The following RUNDC3B variants were observed in gnomAD, a reference collection of about 807,000 sequenced individuals.
RUNDC3B encodes the protein RUN domain-containing protein 3B.
RUNDC3B carries 33 observed loss-of-function variants against 58.4 expected under a neutral mutation model. The ratio of observed to expected loss-of-function variants is 0.56; its 90% confidence interval spans 0.43 to 0.75. RUNDC3B has a LOEUF of 0.75. Ranked by LOEUF, RUNDC3B falls within the 30% of genes least tolerant of loss-of-function variation. RUNDC3B has a pLI of 0.00. For synonymous variants in RUNDC3B, 193 were observed against 195.2 expected (o/e 0.99, Z 0.10); for missense variants, 501 against 535.7 (o/e 0.94, Z 0.64).
chr7:87,813,062 G>A (rs114795398), intron 9 of RUNDC3B, among the ~76,000 whole-genome samples: 1,749 of 152,302 alleles, frequency 0.011, 41 homozygotes, highest in African/African-American at 0.04. Context: ...AGAAGATATT[G>A]TAAGGTACAG....
chr7:87,720,992 CAATTAAATGTAT>C (rs1364312231), intron 4 of RUNDC3B, among the ~76,000 whole-genome samples: 1 of 143,690 alleles, frequency 7.0e-6, no homozygotes, highest in Non-Finnish European at 1.5e-5. Flanking sequence ...GCTAAATGTC[CAATTAAATGTAT>C]AATTTAAAAT....
At chr7:87,738,448 C>T (rs1262575638) in intron 4 of RUNDC3B, among the ~76,000 whole-genome samples, 2 of 151,924 alleles carry the variant, frequency 1.3e-5, no homozygotes, top group African/African-American at 4.8e-5. Context: ...AAATAAAAAA[C>T]ATTTATTCCA....
At chr7:87,687,759 T>G (rs1163977849) in intron 2 of RUNDC3B, among the ~76,000 whole-genome samples, 1 of 152,204 alleles carries the variant, frequency 6.6e-6, no homozygotes, top group East Asian at 1.9e-4. Flanking sequence ...AATTGAACTG[T>G]TATGATACCT....
intron 1 of RUNDC3B, among the ~76,000 whole-genome samples, chr7:87,637,557 C>G (rs1488693515): frequency 6.6e-6 from 1 of 152,144 alleles, no homozygotes; most frequent in Non-Finnish European, 1.5e-5. Flanking sequence ...TGAACATAAC[C>G]TATTTCTTTA....
chr7:87,640,131 C>T (rs1015694458), intron 1 of RUNDC3B, among the ~76,000 whole-genome samples: 2 of 149,796 alleles, frequency 1.3e-5, no homozygotes, highest in Non-Finnish European at 3.0e-5. Context: ...TTTACTACTT[C>T]TCCAATAGTG....
At chr7:87,822,993 C>A (rs1031922929) in intron 10 of RUNDC3B, among the ~76,000 whole-genome samples, 7 of 151,842 alleles carry the variant, frequency 4.6e-5, no homozygotes, top group Non-Finnish European at 8.8e-5. Flanking sequence ...ACATATGTAA[C>A]AAACCTGCAC....
chr7:87,735,700 C>T (rs1431454884), intron 4 of RUNDC3B, among the ~76,000 whole-genome samples: 1 of 152,194 alleles, frequency 6.6e-6, no homozygotes, highest in Non-Finnish European at 1.5e-5. Context: ...GATCAGACAT[C>T]TGTGGGCTAA....
chr7:87,807,577 G>A, intron 9 of RUNDC3B, 58 bp downstream of exon 9: 1 of 1,254,314 alleles, frequency 8.0e-7, no homozygotes, highest in Non-Finnish European at 1.2e-6. Context: ...AAAACATATG[G>A]CTATCTACTT....
intron 2 of RUNDC3B, among the ~76,000 whole-genome samples, chr7:87,678,641 A>C (rs1037075883): frequency 6.6e-6 from 1 of 152,202 alleles, no homozygotes; most frequent in African/African-American, 2.4e-5. Flanking sequence ...CACTCCAATT[A>C]AAAGAGATTT....
intron 9 of RUNDC3B, among the ~76,000 whole-genome samples, chr7:87,812,711 G>C (rs1836793673): frequency 6.6e-6 from 1 of 152,020 alleles, no homozygotes; most frequent in Non-Finnish European, 1.5e-5. Context: ...TACTGTCTTG[G>C]GTTCTTATTT....
At chr7:87,811,731 G>T (rs1248806578) in intron 9 of RUNDC3B, among the ~76,000 whole-genome samples, 2 of 152,058 alleles carry the variant, frequency 1.3e-5, no homozygotes, top group Non-Finnish European at 2.9e-5. Context: ...TTTGGAGTAG[G>T]AGACCCTAAC....
At chr7:87,766,632 C>T (rs977097195) in intron 6 of RUNDC3B, among the ~76,000 whole-genome samples, 1 of 152,036 alleles carries the variant, frequency 6.6e-6, no homozygotes, top group African/African-American at 2.4e-5. Flanking sequence ...GATAGAATTT[C>T]CTTTATAGGA....
chr7:87,650,535 G>A (rs1374364585), intron 1 of RUNDC3B, among the ~76,000 whole-genome samples: 1 of 151,892 alleles, frequency 6.6e-6, no homozygotes, highest in Non-Finnish European at 1.5e-5. Context: ...ACCTCCCAAA[G>A]GCACCCACCC....
intron 10 of RUNDC3B, among the ~76,000 whole-genome samples, chr7:87,823,888 T>C (rs1837648100): frequency 6.6e-6 from 1 of 151,904 alleles, no homozygotes; most frequent in Non-Finnish European, 1.5e-5. Flanking sequence ...ACTTGTTGAT[T>C]GATGGGCATT....
At chr7:87,742,205 T>C (rs1016831623) in intron 6 of RUNDC3B, among the ~76,000 whole-genome samples, 1 of 152,184 alleles carries the variant, frequency 6.6e-6, no homozygotes, top group African/African-American at 2.4e-5. Context: ...ATGATCTTTA[T>C]ATACTTCTTT....
chr7:87,789,033 A>C (rs1835384901), intron 8 of RUNDC3B, among the ~76,000 whole-genome samples: 1 of 152,192 alleles, frequency 6.6e-6, no homozygotes, highest in South Asian at 2.1e-4. Context: ...GAAGGGTGCC[A>C]TATATAAGAG....
intron 4 of RUNDC3B, among the ~76,000 whole-genome samples, chr7:87,721,819 T>A (rs756536112): frequency 1.6e-4 from 25 of 151,816 alleles, no homozygotes; most frequent in Non-Finnish European, 3.1e-4. Context: ...CTCTCTGATC[T>A]CATCTGTTTC....
At chr7:87,637,633 CTTA>C (rs1374915570) in intron 1 of RUNDC3B, among the ~76,000 whole-genome samples, 4 of 151,852 alleles carry the variant, frequency 2.6e-5, no homozygotes, top group Non-Finnish European at 4.4e-5. Flanking sequence ...TTTTAAATCT[CTTA>C]TTATATTTAT....
rs558299474 is a variant in RUNDC3B at position 87,683,930 on chromosome 7, G to GACATCAGA, written c.239-16489_239-16482dup. Among the ~76,000 whole-genome samples, 12 of 152,252 alleles carry GACATCAGA rather than the reference G, an allele frequency of 7.9e-5. No homozygotes were observed. The South Asian group carries it at 2.5e-3, about 32-fold the overall frequency. ...CATACCAGTACACCTCATGGACACA[G>GACATCAGA]ACATCAGAATCTTCAATAAATATTG... On this transcript the variant is annotated intron_variant, in intron 2 of 10. Transcript: ENST00000394654.
Sources: allele counts gnomAD v4.1 joint callset (sites outside exome capture counted in the v4.1 genomes callset), GRCh38; gene constraint gnomAD v4.1.1; transcripts MANE v1.5; gene names NCBI Gene and HGNC (gene_info 2026-07-23, HGNC 2026-07-21).